DIAPH3: variants seen among roughly 807,000 people sequenced by gnomAD.
DIAPH3 encodes the protein protein diaphanous homolog 3.
A neutral mutation model predicts 144.3 loss-of-function variants in DIAPH3; 117 were observed. That is an observed-to-expected ratio of 0.81 (90% CI 0.70 to 0.95). The LOEUF (loss-of-function observed/expected upper bound fraction) is 0.95. Ranked by LOEUF, DIAPH3 falls within the 40% of genes least tolerant of loss-of-function variation. The pLI is 0.00. For synonymous variants in DIAPH3, 519 were observed against 488.9 expected (o/e 1.06, Z -0.81); for missense variants, 1,421 against 1,412.7 (o/e 1.01, Z -0.09).
At chr13:59,804,605 T>C (rs536782342) in intron 25 of DIAPH3, among the ~76,000 whole-genome samples, 12 of 152,172 alleles carry the variant, frequency 7.9e-5, no homozygotes, top group Non-Finnish European at 1.8e-4. Context: ...GTTGTTGTTG[T>C]TGTTACAATG....
intron 5 of DIAPH3, among the ~76,000 whole-genome samples, chr13:60,024,539 C>T (rs552678452): frequency 6.6e-6 from 1 of 152,102 alleles, no homozygotes; most frequent in African/African-American, 2.4e-5. Context: ...TATTGTAACA[C>T]TTTTATGATG....
chr13:59,694,310 G>C (rs2033682222), intron 27 of DIAPH3, among the ~76,000 whole-genome samples: 1 of 152,070 alleles, frequency 6.6e-6, no homozygotes, highest in African/African-American at 2.4e-5. Context: ...GGTTTATTCC[G>C]AGAATAAGTG....
At chr13:59,703,826 T>C (rs1385116882) in intron 27 of DIAPH3, among the ~76,000 whole-genome samples, 1 of 152,094 alleles carries the variant, frequency 6.6e-6, no homozygotes, top group Non-Finnish European at 1.5e-5. Context: ...TCTATGTATA[T>C]ATTAAAAAAA....
chr13:59,829,906 C>T (rs2041683045), intron 24 of DIAPH3, among the ~76,000 whole-genome samples: 2 of 151,812 alleles, frequency 1.3e-5, no homozygotes, highest in African/African-American at 4.8e-5. Flanking sequence ...ATATGTAATA[C>T]AAAAATTAGC....
intron 17 of DIAPH3, among the ~76,000 whole-genome samples, chr13:59,966,183 T>A (rs2050039892): frequency 6.6e-6 from 1 of 152,050 alleles, no homozygotes; most frequent in African/African-American, 2.4e-5. Flanking sequence ...TCTACAGATA[T>A]GGCACAAGGT....
intron 27 of DIAPH3, among the ~76,000 whole-genome samples, chr13:59,687,601 C>G (rs552752583): frequency 6.6e-6 from 1 of 152,106 alleles, no homozygotes; most frequent in Non-Finnish European, 1.5e-5. Flanking sequence ...CAAAATCTGA[C>G]ATCTCCTCTT....
At chr13:59,780,100 A>T (rs1474202519) in intron 25 of DIAPH3, among the ~76,000 whole-genome samples, 1 of 152,066 alleles carries the variant, frequency 6.6e-6, no homozygotes, top group African/African-American at 2.4e-5. Context: ...CTAGGCACCA[A>T]GATACCTAAG....
intron 27 of DIAPH3, among the ~76,000 whole-genome samples, chr13:59,755,178 T>G (rs1288057333): frequency 6.6e-6 from 1 of 152,176 alleles, no homozygotes; most frequent in Non-Finnish European, 1.5e-5. Context: ...TTCAATTATT[T>G]AGAAGTCACA....
At position 59,916,338 on chromosome 13, in the gene DIAPH3, A is replaced by G. The variant is rs1191746078; in HGVS notation, c.2171-89T>C. On this transcript the variant is annotated intron_variant, in intron 18 of 27. Transcript: ENST00000400324. The stretch of plus-strand genomic sequence containing the variant: ...GTTCTATTTATAAAATCAAAAATAA[A>G]TTCATAAAACAAGAGAATTCAAACA... 6 of 1,014,948 alleles carry G rather than the reference A, an allele frequency of 5.9e-6. No homozygotes were observed. In the South Asian group the frequency reaches 6.9e-5, roughly 12 times the overall value. 62.9% of individuals were successfully genotyped at this position (1,014,948 alleles called of 1,614,324 possible).
chr13:59,959,698 A>C (rs1308829328), intron 17 of DIAPH3, among the ~76,000 whole-genome samples: 1 of 152,208 alleles, frequency 6.6e-6, no homozygotes, highest in Non-Finnish European at 1.5e-5. Context: ...AAGGAAACAC[A>C]TTCTTCTCCA....
intron 27 of DIAPH3, among the ~76,000 whole-genome samples, chr13:59,762,121 C>A (rs2037631806): frequency 7.3e-6 from 1 of 137,662 alleles, no homozygotes; most frequent in South Asian, 2.4e-4. Context: ...TGCAGTGGCG[C>A]GATCTCAACT....
chr13:60,120,564 T>C (rs190360423), intron 2 of DIAPH3, among the ~76,000 whole-genome samples: 1 of 152,192 alleles, frequency 6.6e-6, no homozygotes, highest in African/African-American at 2.4e-5. Flanking sequence ...CACATTTAGG[T>C]TTCACATAGT....
In DIAPH3 at chr13:59,783,371, T is replaced by C. The variant is rs539416350; in HGVS notation, c.3164-8548A>G. Among the ~76,000 whole-genome samples, 4 of 152,304 alleles carry C rather than the reference T, an allele frequency of 2.6e-5. No homozygotes were observed. In the South Asian group the frequency reaches 8.3e-4, roughly 32 times the overall value. On this transcript the variant is annotated intron_variant, in intron 25 of 27. Coordinates refer to ENST00000400324, the MANE Select transcript of DIAPH3 (RefSeq NM_001042517.2). ...GAACCGTCTTTGTTTGATGATAGAA[T>C]GAGTTGGATCTAGACAGGAGCTCAA...
At chr13:59,734,962 C>T (rs951120310) in intron 27 of DIAPH3, among the ~76,000 whole-genome samples, 1 of 152,056 alleles carries the variant, frequency 6.6e-6, no homozygotes, top group Non-Finnish European at 1.5e-5. Flanking sequence ...GTCACTAAAA[C>T]TTTGAAAGAG....
At chr13:59,924,980 A>C in intron 17 of DIAPH3, 110 bp from the exon 18 acceptor site, 1 of 1,461,904 alleles carries the variant, frequency 6.8e-7, no homozygotes, top group Non-Finnish European at 9.1e-7. Context: ...TAACTCTTCT[A>C]AATAAAAGTT....
At chr13:60,076,921 T>C (rs927469940) in intron 4 of DIAPH3, among the ~76,000 whole-genome samples, 1 of 152,126 alleles carries the variant, frequency 6.6e-6, no homozygotes, top group Non-Finnish European at 1.5e-5. Flanking sequence ...AAGTATTACT[T>C]CTATAGCACT....
At chr13:59,872,920 C>T (rs2044367671) in intron 21 of DIAPH3, among the ~76,000 whole-genome samples, 2 of 152,200 alleles carry the variant, frequency 1.3e-5, no homozygotes, top group African/African-American at 4.8e-5. Context: ...AGCAAAGTCA[C>T]TCCATCTTTT....
intron 20 of DIAPH3, among the ~76,000 whole-genome samples, chr13:59,910,122 T>A (rs1017226745): frequency 6.6e-6 from 1 of 151,724 alleles, no homozygotes; most frequent in African/African-American, 2.4e-5. Flanking sequence ...ACATGGAAAA[T>A]ATTTCAAAAT....
chr13:59,782,311 GAGGGCATT>G (rs2038782578), intron 25 of DIAPH3, among the ~76,000 whole-genome samples: 1 of 152,138 alleles, frequency 6.6e-6, no homozygotes, highest in African/African-American at 2.4e-5. Context: ...TTAGTGGTGA[GAGGGCATT>G]AGGGAACTAA....
Sources: gnomAD v4.1 joint callset for allele counts (sites outside exome capture counted in the v4.1 genomes callset) on GRCh38, gnomAD v4.1.1 for gene constraint, MANE v1.5 for transcripts, NCBI Gene and HGNC (gene_info 2026-07-23, HGNC 2026-07-21) for gene names.